The following ST6GALNAC5 variants were observed in gnomAD, a reference collection of about 807,000 sequenced individuals.
ST6GALNAC5 encodes the protein ST6 N-acetylgalactosaminide alpha-2,6-sialyltransferase 5.
ST6GALNAC5 carries 27 observed loss-of-function variants against 33.6 expected under a neutral mutation model. That is an observed-to-expected ratio of 0.80 (90% CI 0.59 to 1.11). ST6GALNAC5 has a LOEUF of 1.11. Ranked by LOEUF, ST6GALNAC5 falls within the 50% of genes least tolerant of loss-of-function variation. ST6GALNAC5 has a pLI of 0.00. For missense variants in ST6GALNAC5, 428 were observed against 454.0 expected, an observed-to-expected ratio of 0.94 and a Z score of 0.52; for synonymous variants, 194 against 171.2, an observed-to-expected ratio of 1.13 and a Z score of -1.04.
intron 2 of ST6GALNAC5, among the ~76,000 whole-genome samples, chr1:77,043,996 CT>C (rs1432620977): frequency 1.3e-5 from 2 of 152,256 alleles, no homozygotes; most frequent in East Asian, 3.9e-4. Context: ...TGCTAGCTCC[CT>C]TTTGCTCTTG....
intron 2 of ST6GALNAC5, among the ~76,000 whole-genome samples, chr1:76,881,535 T>G (rs982704925): frequency 2.0e-5 from 3 of 152,204 alleles, no homozygotes; most frequent in Non-Finnish European, 4.4e-5. Context: ...CCTTCCCTAC[T>G]AGACAACCAG....
intron 2 of ST6GALNAC5, among the ~76,000 whole-genome samples, chr1:76,896,473 G>A (rs998709947): frequency 4.6e-5 from 7 of 152,292 alleles, no homozygotes; most frequent in Admixed American, 1.3e-4. Flanking sequence ...CGGGCTAGTG[G>A]CTTGTACTAT....
At chr1:77,001,902 T>A (rs1159211255) in intron 2 of ST6GALNAC5, among the ~76,000 whole-genome samples, 1 of 152,126 alleles carries the variant, frequency 6.6e-6, no homozygotes, top group African/African-American at 2.4e-5. Flanking sequence ...CAGTATTTTA[T>A]TGAGGATTTT....
chr1:76,947,321 T>C (rs1304343562), intron 2 of ST6GALNAC5, among the ~76,000 whole-genome samples: 1 of 152,136 alleles, frequency 6.6e-6, no homozygotes, highest in African/African-American at 2.4e-5. Context: ...ACTGTTCAGA[T>C]TTAAATTTGA....
At chr1:76,893,249 G>A (rs191815434) in intron 2 of ST6GALNAC5, among the ~76,000 whole-genome samples, 2 of 152,066 alleles carry the variant, frequency 1.3e-5, no homozygotes, top group African/African-American at 4.8e-5. Flanking sequence ...GTGTGCAGGA[G>A]GGAGGAAGGA....
At chr1:76,969,642 C>T (rs530324454) in intron 2 of ST6GALNAC5, among the ~76,000 whole-genome samples, 3 of 152,304 alleles carry the variant, frequency 2.0e-5, no homozygotes, top group South Asian at 2.1e-4. Flanking sequence ...CAGACTTAAA[C>T]GTCCCTGTCT....
chr1:76,978,695 C>T (rs549759479), intron 2 of ST6GALNAC5, among the ~76,000 whole-genome samples: 3 of 152,200 alleles, frequency 2.0e-5, no homozygotes, highest in Non-Finnish European at 4.4e-5. Context: ...AAATTGAAAT[C>T]TTTTCCTCTA....
intron 2 of ST6GALNAC5, among the ~76,000 whole-genome samples, chr1:77,035,139 C>T (rs1651603697): frequency 6.6e-6 from 1 of 152,150 alleles, no homozygotes; most frequent in Non-Finnish European, 1.5e-5. Context: ...TGAATATTCA[C>T]ATTTCTGGCA....
chr1:77,008,495 G>A (rs1650509256), intron 2 of ST6GALNAC5, among the ~76,000 whole-genome samples: 1 of 152,084 alleles, frequency 6.6e-6, no homozygotes, highest in Non-Finnish European at 1.5e-5. Flanking sequence ...TGCCTGCAGT[G>A]GACACTTGAT....
Position 76,868,268 on chromosome 1 carries a change from G to C in ST6GALNAC5, c.16-229G>C, listed in dbSNP as rs181357927. 1.8e-3 allele frequency among the ~76,000 whole-genome samples: 278 copies of C among 151,974 alleles called. 2 individuals are homozygous for C. The highest frequency in any genetic ancestry group is 5.6e-3 in the African/African-American group (234 of 41,494). ...GGCCGTACACCACCTGCCCTCTACC[G>C]AGAGATCTGGGCGGCGGCGGCCGAA... On this transcript the variant is annotated intron_variant, in intron 1 of 4. Transcript: ENST00000477717. This position sits in a 1 kb window ranked among gnomAD's most constrained non-coding sequence, Gnocchi z 4.3.
At chr1:76,922,945 A>AG (rs1647049117) in intron 2 of ST6GALNAC5, among the ~76,000 whole-genome samples, 1 of 138,570 alleles carries the variant, frequency 7.2e-6, no homozygotes, top group African/African-American at 3.1e-5. Context: ...CAAAAAAAAA[A>AG]AAAAGAAAAA....
chr1:77,013,139 C>T (rs1428267951), intron 2 of ST6GALNAC5, among the ~76,000 whole-genome samples: 2 of 152,152 alleles, frequency 1.3e-5, no homozygotes, highest in Non-Finnish European at 2.9e-5. Context: ...GGTGAGCAAC[C>T]AGAACTAGCC....
intron 2 of ST6GALNAC5, among the ~76,000 whole-genome samples, chr1:76,938,271 G>A (rs570887543): frequency 6.6e-6 from 1 of 152,086 alleles, no homozygotes; most frequent in South Asian, 2.1e-4. Flanking sequence ...GGTGAAGAAA[G>A]GAATATGCTC....
intron 2 of ST6GALNAC5, among the ~76,000 whole-genome samples, chr1:76,969,730 G>T (rs1648661017): frequency 6.6e-6 from 1 of 152,120 alleles, no homozygotes; most frequent in South Asian, 2.1e-4. Context: ...TCCTCAAGTG[G>T]GTCCCTGACC....
At chr1:76,997,776 A>C (rs1271721180) in intron 2 of ST6GALNAC5, among the ~76,000 whole-genome samples, 1 of 152,162 alleles carries the variant, frequency 6.6e-6, no homozygotes. Flanking sequence ...AGGCCAGAGG[A>C]TCACTTGAGG....
chr1:76,953,313 G>T (rs943994484), intron 2 of ST6GALNAC5, among the ~76,000 whole-genome samples: 3 of 152,076 alleles, frequency 2.0e-5, no homozygotes, highest in Non-Finnish European at 4.4e-5. Context: ...GAGAGATCAA[G>T]CTTCTCTGTA....
At chr1:77,023,851 G>A (rs779967682) in intron 2 of ST6GALNAC5, among the ~76,000 whole-genome samples, 2 of 152,282 alleles carry the variant, frequency 1.3e-5, no homozygotes, top group South Asian at 2.1e-4. Context: ...CAAAGGGGCC[G>A]GATGGGGGTA....
intron 4 of ST6GALNAC5, among the ~76,000 whole-genome samples, chr1:77,051,541 G>C (rs756965080): frequency 2.6e-5 from 4 of 152,174 alleles, no homozygotes; most frequent in Admixed American, 6.5e-5. Context: ...AGACGTGGAT[G>C]TGATAGTAAT....
At chr1:77,039,792 T>C (rs1376675725) in intron 2 of ST6GALNAC5, among the ~76,000 whole-genome samples, 1 of 152,122 alleles carries the variant, frequency 6.6e-6, no homozygotes, top group East Asian at 1.9e-4. Flanking sequence ...CTGAACACTA[T>C]GAGGAAAAAG....
Sources: gnomAD v4.1 joint callset for allele counts (sites outside exome capture counted in the v4.1 genomes callset) on GRCh38, gnomAD v4.1.1 for gene constraint, Gnocchi (gnomAD v3.1) non-coding constraint, MANE v1.5 for transcripts, NCBI Gene and HGNC (gene_info 2026-07-23, HGNC 2026-07-21) for gene names.